SNX25: variants seen among roughly 807,000 people sequenced by gnomAD.
SNX25 encodes sorting nexin 25, also known as sorting nexin-25.
A neutral mutation model predicts 113.7 loss-of-function variants in SNX25; 62 were observed. That is an observed-to-expected ratio of 0.55 (90% CI 0.44 to 0.67). The LOEUF is 0.67. SNX25 is among the 30% of genes least tolerant of loss of function. SNX25 has a pLI of 0.00. For synonymous variants in SNX25, 421 were observed against 436.2 expected, an observed-to-expected ratio of 0.97 and a Z score of 0.43; for missense variants, 1,014 against 1,161.0, an observed-to-expected ratio of 0.87 and a Z score of 1.84.
At position 185,334,447 on chromosome 4, in the gene SNX25, G is replaced by A. The variant is rs2095216742; in HGVS notation, c.1914+1688G>A. On this transcript the variant is annotated intron_variant, in intron 10 of 18. Coordinates refer to ENST00000652585, the MANE Select transcript of SNX25 (RefSeq NM_001378034.2). This position sits in a 1 kb window ranked among gnomAD's most constrained non-coding sequence, Gnocchi z 4.2. The stretch of plus-strand genomic sequence containing the variant: ...AATAGTTCATTCTCCCCCTTATGTG[G>A]AGTCACTCCCATTTACTACATACAG... 6.6e-6 allele frequency among the ~76,000 whole-genome samples: 1 copy of A among 152,158 alleles called. No homozygotes were observed. The highest frequency in any genetic ancestry group is 6.5e-5 in the Admixed American group (1 of 15,278).
chr4:185,241,313 CA>C (rs1254449700), intron 1 of SNX25, among the ~76,000 whole-genome samples: 1 of 151,864 alleles, frequency 6.6e-6, no homozygotes, highest in African/African-American at 2.4e-5. Context: ...CCGTCTCCAC[CA>C]AAAAAATATG....
At chr4:185,354,831 T>G (rs894776020) in intron 15 of SNX25, among the ~76,000 whole-genome samples, 3 of 152,180 alleles carry the variant, frequency 2.0e-5, no homozygotes, top group Non-Finnish European at 2.9e-5. Context: ...CAGTACCAGC[T>G]AGAGATATGG....
chr4:185,273,140 G>A (rs898264412), intron 5 of SNX25, among the ~76,000 whole-genome samples: 4 of 152,190 alleles, frequency 2.6e-5, no homozygotes, highest in African/African-American at 9.6e-5. Context: ...ACTTAAATTA[G>A]TTAGGATCCA....
chr4:185,251,636 T>C lies in SNX25; in HGVS notation c.514+4258T>C, dbSNP rs546645931. ...GTGTGTGTGTGTGTGTGTGTGTGTG[T>C]GCCACATTTTGTTTATCCATTCACT... On this transcript the variant is annotated intron_variant, in intron 2 of 18. Coordinates refer to ENST00000652585, the MANE Select transcript of SNX25 (RefSeq NM_001378034.2). Among the ~76,000 whole-genome samples the C allele has an allele frequency of 5.4e-3, 725 of 134,714 alleles. 10 individuals are homozygous for C. The highest frequency in any genetic ancestry group is 0.015 in the African/African-American group (607 of 39,188). 88.4% of individuals were successfully genotyped at this position (134,714 alleles called of 152,430 possible).
At chr4:185,314,432 A>G (rs2095054482) in intron 7 of SNX25, among the ~76,000 whole-genome samples, 1 of 152,172 alleles carries the variant, frequency 6.6e-6, no homozygotes, top group Non-Finnish European at 1.5e-5. Flanking sequence ...ATGAAATAGG[A>G]CATCACTAAC....
chr4:185,281,899 C>G (rs999867599), intron 5 of SNX25, among the ~76,000 whole-genome samples: 1 of 151,964 alleles, frequency 6.6e-6, no homozygotes, highest in Non-Finnish European at 1.5e-5. Context: ...ACCTGTAATC[C>G]CAGCTATTCC....
upstream of SNX25, among the ~76,000 whole-genome samples, chr4:185,205,631 C>G (rs1043044539): frequency 6.6e-6 from 1 of 152,136 alleles, no homozygotes; most frequent in Non-Finnish European, 1.5e-5. Flanking sequence ...GAGTTCCAGA[C>G]CAGCCTGGCC....
intron 15 of SNX25, among the ~76,000 whole-genome samples, chr4:185,355,070 C>T (rs779873549): frequency 2.0e-5 from 3 of 152,224 alleles, no homozygotes; most frequent in Admixed American, 6.5e-5. Context: ...AATCCCTTAA[C>T]ATGTCACTTA....
At chr4:185,344,093 C>T (rs186400768) in intron 12 of SNX25, among the ~76,000 whole-genome samples, 49 of 152,154 alleles carry the variant, frequency 3.2e-4, no homozygotes, top group East Asian at 3.1e-3. Flanking sequence ...TGGTGGTGCA[C>T]GCTTGTAGTC....
chr4:185,224,444 T>TAA (rs1365541667), intron 1 of SNX25, among the ~76,000 whole-genome samples: 2 of 66,136 alleles, frequency 3.0e-5, no homozygotes, highest in Non-Finnish European at 6.0e-5. Context: ...TATAGATATA[T>TAA]AAATATATAT....
chr4:185,231,628 G>A (rs931588206), intron 1 of SNX25, among the ~76,000 whole-genome samples: 1 of 151,490 alleles, frequency 6.6e-6, no homozygotes, highest in African/African-American at 2.4e-5. Context: ...GGAGAATGGC[G>A]TGAACCCAGG....
At chr4:185,339,282 A>G in intron 10 of SNX25, 97 bp from the exon 11 acceptor site, 7 of 1,170,896 alleles carry the variant, frequency 6.0e-6, no homozygotes, top group East Asian at 2.4e-5. Flanking sequence ...ATCGAAACAC[A>G]GCTGATTATT....
rs149739244 is a variant in SNX25, at chr4:185,267,983, G to C, written c.1091+828G>C. 4.8e-3 allele frequency among the ~76,000 whole-genome samples: 737 copies of C among 152,264 alleles called. 3 individuals carry two copies. Among genetic ancestry groups the C allele is most frequent in the Non-Finnish European group, 7.1e-3 (484 of 68,024 alleles). ...GTCTTCATCCTCATCTCTTCACATG[G>C]AAGTATGCTGAGGAGGAAGAGAATG... On this transcript the variant is annotated intron_variant, in intron 5 of 18. Transcript: ENST00000652585.
intron 2 of SNX25, among the ~76,000 whole-genome samples, chr4:185,248,803 A>G (rs1188852785): frequency 6.6e-6 from 1 of 152,232 alleles, no homozygotes; most frequent in African/African-American, 2.4e-5. Flanking sequence ...GAACATTTCC[A>G]TCATTCTAGA....
intron 7 of SNX25, among the ~76,000 whole-genome samples, chr4:185,313,657 G>A (rs1161858041): frequency 1.3e-5 from 2 of 152,106 alleles, no homozygotes; most frequent in Non-Finnish European, 2.9e-5. Flanking sequence ...TATATTGTGG[G>A]ATATATTGTG....
chr4:185,283,535 G>C (rs1048750185), intron 5 of SNX25, among the ~76,000 whole-genome samples: 4 of 152,190 alleles, frequency 2.6e-5, no homozygotes, highest in African/African-American at 9.7e-5. Context: ...AGGCAGTAAA[G>C]CTGGAAAGAT....
chr4:185,259,058 A>G lies in SNX25; in HGVS notation c.725A>G (p.Asn242Ser), dbSNP rs750978171. 1.2e-6 allele frequency: 2 copies of G among 1,614,054 alleles called. No individual in the cohort carries two copies. Among genetic ancestry groups the G allele is most frequent in the South Asian group, 2.2e-5 (2 of 91,060 alleles). ...LTHFCDLKAA[N>S]ARHEEQPRPF... Reference sequence around the variant, plus strand: ...CATTTCTGTGACCTGAAAGCTGCCAATGCCAGGTAACTGTTCTAAGCAACT... The same window carrying G: ...CATTTCTGTGACCTGAAAGCTGCCAGTGCCAGGTAACTGTTCTAAGCAACT... Residue 242 changes from asparagine to serine, a missense_variant, in exon 3 of 19, where the codon AAT (asparagine) becomes AGT (serine). Coordinates refer to ENST00000652585, the MANE Select transcript of SNX25 (RefSeq NM_001378034.2).
At chr4:185,352,423 G>A (rs1003572035) in intron 14 of SNX25, among the ~76,000 whole-genome samples, 40 of 152,122 alleles carry the variant, frequency 2.6e-4, no homozygotes, top group African/African-American at 5.3e-4. Flanking sequence ...AAGTCAGCAC[G>A]TCCCACAGAG....
chr4:185,271,418 C>T (rs1748913968), intron 5 of SNX25, among the ~76,000 whole-genome samples: 1 of 152,204 alleles, frequency 6.6e-6, no homozygotes, highest in South Asian at 2.1e-4. Flanking sequence ...GCTGGGACTA[C>T]AGGCACACGC....
Sources: gnomAD v4.1 joint callset for allele counts (sites outside exome capture counted in the v4.1 genomes callset) on GRCh38, gnomAD v4.1.1 for gene constraint, Gnocchi (gnomAD v3.1) non-coding constraint, MANE v1.5 for transcripts, NCBI Gene and HGNC (gene_info 2026-07-23, HGNC 2026-07-21) for gene names.